LGI3: variants seen among roughly 807,000 people sequenced by gnomAD.
The protein encoded by LGI3 is leucine-rich repeat LGI family member 3.
A neutral mutation model predicts 55.4 loss-of-function variants in LGI3; 47 were observed. The ratio of observed to expected loss-of-function variants is 0.85; its 90% CI spans 0.67 to 1.08. The LOEUF (loss-of-function observed/expected upper bound fraction) is 1.08, where lower values mean the gene tolerates loss of function less well. LGI3 is among the 50% of genes least tolerant of loss of function. The probability of loss-of-function intolerance (pLI) is 0.00; values close to 1 mark genes in which losing one functional copy is unlikely to be tolerated. For synonymous variants in LGI3, 326 were observed against 315.0 expected, an observed-to-expected ratio of 1.04 and a Z score of -0.37; for missense variants, 664 against 726.3, an observed-to-expected ratio of 0.91 and a Z score of 0.99.
chr8:22,156,564 G>GGGCCGGC lies in LGI3; in HGVS notation c.-29_-23dup, dbSNP rs1247543545. On this transcript the variant is annotated 5_prime_UTR_variant, in exon 1 of 8. Transcript: ENST00000306317. ...CCATGCTGCCCGCGATCTCTCCCTG[G>GGGCCGGC]GGCCGGCGGCCGCGGCCCCCGCCCC... 1 of 1,047,574 alleles carries GGGCCGGC rather than the reference G, an allele frequency of 9.5e-7. No individual in the cohort carries two copies. The highest frequency in any genetic ancestry group is 1.2e-6 in the Non-Finnish European group (1 of 817,792). 64.9% of individuals were successfully genotyped at this position (1,047,574 alleles called of 1,614,324 possible). A position where few individuals can be genotyped will look rare whatever the true frequency, so the allele number is the denominator to read the frequency against.
intron 7 of LGI3, 83 bp downstream of exon 7, chr8:22,151,406 A>C (rs1322071982): frequency 7.3e-7 from 1 of 1,364,966 alleles, no homozygotes; most frequent in Non-Finnish European, 1.0e-6. Context: ...CTCTACCTAC[A>C]GGAACTCAAT....
chr8:22,149,004 TC>T, intron 7 of LGI3, 27 bp from the exon 8 acceptor site: 1 of 1,559,590 alleles, frequency 6.4e-7, no homozygotes, highest in Non-Finnish European at 8.7e-7. Flanking sequence ...GCAGACAGCA[TC>T]AGGCAGGCCG....
rs370352885 is a variant in LGI3, at chr8:22,148,833, C to A, written c.974G>T (p.Arg325Leu). 1 of 1,614,186 alleles carries A rather than the reference C, an allele frequency of 6.2e-7. No individual in the cohort carries two copies. The highest frequency in any genetic ancestry group is 8.5e-7 in the Non-Finnish European group (1 of 1,180,038). The change falls in exon 8 of 8, where the codon CGC becomes CTC. Residue 325 changes from arginine (R) to leucine (L), a missense_variant. Physicochemically the swap from Arg to Leu is moderately radical, Grantham distance 102. Coordinates refer to ENST00000306317, the MANE Select transcript of LGI3 (RefSeq NM_139278.4). This position sits in a 1 kb window ranked among gnomAD's most constrained non-coding sequence, Gnocchi z 7.0. ...TTCTAGGTCGTTAGGCTTGCGCACG[C>A]GCTGCGGGTCAATGTCTTGCAGCCT... ...FTRLQDIDPQ[R>L]VRKPNDLEAF...
At chr8:22,151,257 G>C (rs1238519368) in intron 7 of LGI3, among the ~76,000 whole-genome samples, 1 of 152,132 alleles carries the variant, frequency 6.6e-6, no homozygotes, top group Non-Finnish European at 1.5e-5. Context: ...GGGTAGGCTT[G>C]TCCTTTGTGC....
intron 2 of LGI3, 84 bp downstream of exon 2, chr8:22,155,308 C>T (rs1260399101): frequency 7.8e-7 from 1 of 1,281,498 alleles, no homozygotes. Context: ...TGCCTCTGTC[C>T]ACTCTCCCTC....
Position 22,151,824 on chromosome 8 carries a change from C to A in LGI3, c.664+7G>T. On this transcript the variant is annotated splice_region_variant and intron_variant, in intron 6 of 7. Coordinates refer to ENST00000306317, the MANE Select transcript of LGI3 (RefSeq NM_139278.4). Reference sequence around the variant, plus strand: ...GGACTGACACCCAAGGCAGGGGCACCTCCTACCTGTGGTGATGCAATCGAA... The same window carrying A: ...GGACTGACACCCAAGGCAGGGGCACATCCTACCTGTGGTGATGCAATCGAA... 1 of 1,600,646 alleles carries A rather than the reference C, an allele frequency of 6.2e-7. No homozygotes were observed. Among genetic ancestry groups the A allele is most frequent in the South Asian group, 1.1e-5 (1 of 89,560 alleles).
Position 22,148,128 on chromosome 8 carries a change from C to G in LGI3, c.*32G>C, listed in dbSNP as rs757364711. On this transcript the variant is annotated 3_prime_UTR_variant, in exon 8 of 8. Coordinates refer to ENST00000306317, the MANE Select transcript of LGI3 (RefSeq NM_139278.4). The surrounding 1 kb of genome is among the most constrained non-coding windows in gnomAD (Gnocchi z 7.0). Reference sequence around the variant, plus strand: ...AGGCCCCCACCCATCCTCCAGTGGCCACCCTGAGGAGACCAGAGGCCTCGG... The same window carrying G: ...AGGCCCCCACCCATCCTCCAGTGGCGACCCTGAGGAGACCAGAGGCCTCGG... The G allele has an allele frequency of 5.0e-5, 76 of 1,526,216 alleles. No homozygotes were observed. The highest frequency in any genetic ancestry group is 2.5e-4 in the South Asian group (19 of 77,414). The allele number at this position is 1,526,216 out of a possible 1,614,324, so 94.5% of individuals were successfully genotyped here. A position where few individuals can be genotyped will look rare whatever the true frequency, so the allele number is the denominator to read the frequency against.
chr8:22,147,712 T>G lies in LGI3; in HGVS notation c.*448A>C. 1.2e-5 allele frequency: 2 copies of G among 166,820 alleles called. No homozygotes were observed. The highest frequency in any genetic ancestry group is 2.6e-5 in the Non-Finnish European group (2 of 76,684). The allele number at this position is 166,820 out of a possible 1,614,324, so 10.3% of individuals were successfully genotyped here. A position where few individuals can be genotyped will look rare whatever the true frequency, so the allele number is the denominator to read the frequency against. ...AGGGGTGAGTGGCCCCGGGGAAGCA[T>G]GACAGATATGGCTGTGGGCTACAGC... On this transcript the variant is annotated 3_prime_UTR_variant, in exon 8 of 8. Coordinates refer to ENST00000306317, the MANE Select transcript of LGI3 (RefSeq NM_139278.4).
In LGI3 at chr8:22,152,007, C is replaced by A. The variant is rs780572500; in HGVS notation, c.495-7G>T. The A allele has an allele frequency of 1.3e-6, 2 of 1,589,554 alleles. No homozygotes were observed. The highest frequency in any genetic ancestry group is 4.5e-5 in the East Asian group (2 of 44,398). On this transcript the variant is annotated splice_region_variant and splice_polypyrimidine_tract_variant and intron_variant, in intron 5 of 7. Coordinates refer to ENST00000306317, the MANE Select transcript of LGI3 (RefSeq NM_139278.4). Reference sequence around the variant, plus strand: ...TGAGTTGCCCCGCAGGTCCCTGCATCATGAGGGCAGAGGAGGGGGGCACAG... The same window carrying A: ...TGAGTTGCCCCGCAGGTCCCTGCATAATGAGGGCAGAGGAGGGGGGCACAG...
rs752029108 is a variant in LGI3 at position 22,151,490 on chromosome 8, T to C, written c.828A>G (p.Pro276=). The C allele has an allele frequency of 5.0e-6, 8 of 1,613,508 alleles. No individual in the cohort carries two copies. Among genetic ancestry groups the C allele is most frequent in the Non-Finnish European group, 6.8e-6 (8 of 1,179,790 alleles). The change falls in exon 7 of 8, where the codon CCA becomes CCG. Residue 276 remains proline (P), a splice_region_variant and synonymous_variant. Coordinates refer to ENST00000306317, the MANE Select transcript of LGI3 (RefSeq NM_139278.4). The part of the protein sequence containing the change: ...ERQLRDYDRI[P]APSAVHCKPM... Reference sequence around the variant, plus strand: ...CAGAACCAGATTGGGCGCAGGTACCTGGGATTCTATCATAGTCTCGAAGCT... The same window carrying C: ...CAGAACCAGATTGGGCGCAGGTACCCGGGATTCTATCATAGTCTCGAAGCT...
chr8:22,154,150 C>T lies in LGI3; in HGVS notation c.414G>A (p.Leu138=). 6.2e-7 allele frequency: 1 copy of T among 1,613,976 alleles called. No individual in the cohort carries two copies. The highest frequency in any genetic ancestry group is 8.5e-7 in the Non-Finnish European group (1 of 1,179,884). The change falls in exon 4 of 8, where the codon TTG becomes TTA. Residue 138 remains leucine, a synonymous_variant. Coordinates refer to ENST00000306317, the MANE Select transcript of LGI3 (RefSeq NM_139278.4). ...SKFTFRGLKS[L]THLSLANNNL... is the part of the protein sequence containing the mutation. ...ATGTGTGACGTACTCACAGGTGAGTCAAGGACTTGAGTCCTCGGAAGGTGA... is the reference window on the plus strand; with the variant it reads ...ATGTGTGACGTACTCACAGGTGAGTTAAGGACTTGAGTCCTCGGAAGGTGA...
intron 3 of LGI3, 39 bp from the exon 4 acceptor site, chr8:22,154,252 A>G (rs1401598280): frequency 2.0e-5 from 30 of 1,533,230 alleles, no homozygotes; most frequent in Non-Finnish European, 2.6e-5. Context: ...CTCACACAGG[A>G]TGCCAGACCC....
At position 22,155,427 on chromosome 8, in the gene LGI3, A is replaced by T. The variant is rs1484319340; in HGVS notation, c.243T>A (p.Asp81Glu). The T allele has an allele frequency of 1.2e-6, 2 of 1,613,760 alleles. No individual in the cohort carries two copies. Among genetic ancestry groups the T allele is most frequent in the Non-Finnish European group, 1.7e-6 (2 of 1,179,990 alleles). ...GCAGCGGGAGGTGGGAGAACGCTCC[A>T]TCCTGGATCTCTGAGAAGGCGGCAT... is the stretch of plus-strand genomic sequence containing the variant. ...LVNAAFSEIQ[D>E]GAFSHLPLLQ... is the part of the protein sequence containing the mutation. The change falls in exon 2 of 8, where the codon GAT becomes GAA. Residue 81 changes from aspartate to glutamate, a missense_variant. Coordinates refer to ENST00000306317, the MANE Select transcript of LGI3 (RefSeq NM_139278.4).
rs1172834011 is a variant in LGI3 at position 22,154,547 on chromosome 8, C to G, written c.350+13G>C. 3 of 1,612,834 alleles carry G rather than the reference C, an allele frequency of 1.9e-6. No individual in the cohort carries two copies. The Admixed American group carries it at 5.0e-5, about 27-fold the overall frequency. ...CCTTCTGCTTTCCCATTGCCCCTTT[C>G]CCTCCCACACACAGATACTGCAGGT... is the stretch of plus-strand genomic sequence containing the variant. On this transcript the variant is annotated intron_variant, in intron 3 of 7. Transcript: ENST00000306317.
At chr8:22,150,651 C>A (rs905476619) in intron 7 of LGI3, among the ~76,000 whole-genome samples, 1 of 152,122 alleles carries the variant, frequency 6.6e-6, no homozygotes, top group Admixed American at 6.6e-5. Context: ...AGCCACCGCA[C>A]CTGGCGGTTT....
rs377623225 is a variant in LGI3 at position 22,150,594 on chromosome 8, G to C, written c.829+895C>G. On this transcript the variant is annotated intron_variant, in intron 7 of 7. Coordinates refer to ENST00000306317, the MANE Select transcript of LGI3 (RefSeq NM_139278.4). ...AGGATGGTCTCAATCTCCTGACCTC[G>C]TGATCCACCCGCCTCGGCCTCCCAA... 2.6e-5 allele frequency among the ~76,000 whole-genome samples: 4 copies of C among 152,060 alleles called. No homozygotes were observed. In the South Asian group the frequency reaches 8.3e-4, roughly 32 times the overall value.
chr8:22,154,457 T>C (rs1424408938), intron 3 of LGI3, 103 bp downstream of exon 3: 1 of 1,043,882 alleles, frequency 9.6e-7, no homozygotes, highest in Non-Finnish European at 1.5e-6. Flanking sequence ...TCACCTTCCC[T>C]TCCTGCGGCA....
Position 22,156,440 on chromosome 8 carries a change from TG to T in LGI3, c.102del (p.Lys35ArgfsTer35). 6.4e-7 allele frequency: 1 copy of T among 1,568,694 alleles called. No individual in the cohort carries two copies. Among genetic ancestry groups the T allele is most frequent in the Non-Finnish European group, 8.6e-7 (1 of 1,160,420 alleles). On this transcript the variant is annotated frameshift_variant, in exon 1 of 8. Coordinates refer to ENST00000306317, the MANE Select transcript of LGI3 (RefSeq NM_139278.4). LOFTEE classifies it high-confidence loss of function. ...LMLQVSAKRP[P>X]KTPPCPPSCS... is the part of the protein sequence containing the mutation. The stretch of plus-strand genomic sequence containing the variant: ...CAGCTGGGCGGGCAGGGGGGCGTCT[TG>T]GGGGGCCTCTTAGCGCTGACTTGCA...
chr8:22,156,425 G>T lies in LGI3; in HGVS notation c.118C>A (p.Pro40Thr). 6.3e-7 allele frequency: 1 copy of T among 1,584,822 alleles called. No homozygotes were observed. The change falls in exon 1 of 8, where the codon CCG (proline) becomes ACG (threonine). Residue 40 changes from proline to threonine, a missense_variant. Physicochemically the swap from Pro to Thr is conservative, Grantham distance 38 (BLOSUM62 -1). Transcript: ENST00000306317. ...TCCCTGGTGCAAGAGCAGCTGGGCG[G>T]GCAGGGGGGCGTCTTGGGGGGCCTC... is the stretch of plus-strand genomic sequence containing the variant. ...AKRPPKTPPCPPSCSCTRDTA... is the reference protein window; with the variant it reads ...AKRPPKTPPCTPSCSCTRDTA...
Sources: gnomAD v4.1 joint callset for allele counts (sites outside exome capture counted in the v4.1 genomes callset) on GRCh38, gnomAD v4.1.1 for gene constraint, Gnocchi (gnomAD v3.1) non-coding constraint, MANE v1.5 for transcripts, NCBI Gene and HGNC (gene_info 2026-07-23, HGNC 2026-07-21) for gene names.